The following TM7SF3 variants were observed in gnomAD, a reference collection of about 807,000 sequenced individuals.
TM7SF3 encodes the protein seven span transmembrane protein.
A neutral mutation model predicts 65.5 loss-of-function variants in TM7SF3; 60 were observed. That is an observed-to-expected ratio of 0.92 (90% CI 0.74 to 1.14). The LOEUF (loss-of-function observed/expected upper bound fraction) is 1.14. Among genes scored for constraint, TM7SF3 ranks in the 50% most tolerant of loss-of-function variants. The pLI is 0.00. For missense variants in TM7SF3, 623 were observed against 684.8 expected (o/e 0.91, Z 1.01); for synonymous variants, 264 against 259.6 (o/e 1.02, Z -0.16).
chr12:26,996,624 C>A lies in TM7SF3; in HGVS notation c.518+118G>T, dbSNP rs542789766. 3.7e-4 allele frequency: 390 copies of A among 1,064,712 alleles called. 1 individual carries two copies. The African/African-American group carries it at 5.8e-3, about 16-fold the overall frequency. 66.0% of individuals were successfully genotyped at this position (1,064,712 alleles called of 1,614,324 possible). Reference sequence around the variant, plus strand: ...AAGTTTAAATTACATCAATTCCCCCCAAAAATTAACTCAATTTTACTACAG... The same window carrying A: ...AAGTTTAAATTACATCAATTCCCCCAAAAAATTAACTCAATTTTACTACAG... On this transcript the variant is annotated intron_variant, in intron 4 of 11. Transcript: ENST00000343028.
At chr12:27,008,676 G>A (rs2136455732) in intron 1 of TM7SF3, among the ~76,000 whole-genome samples, 2 of 152,238 alleles carry the variant, frequency 1.3e-5, no homozygotes, top group East Asian at 3.9e-4. Flanking sequence ...AAATCAAGCT[G>A]ATGCTGATTT....
At position 26,991,141 on chromosome 12, in the gene TM7SF3, CTT is replaced by C. The variant is rs35362439; in HGVS notation, c.691-516_691-515del. 3.7e-5 allele frequency among the ~76,000 whole-genome samples: 4 copies of C among 107,480 alleles called. No homozygotes were observed. In the East Asian group the frequency reaches 8.8e-4, roughly 24 times the overall value. The allele number at this position is 107,480 out of a possible 152,430, so 70.5% of individuals were successfully genotyped here. A position where few individuals can be genotyped will look rare whatever the true frequency, so the allele number is the denominator to read the frequency against. On this transcript the variant is annotated intron_variant, in intron 5 of 11. Coordinates refer to ENST00000343028, the MANE Select transcript of TM7SF3 (RefSeq NM_016551.3). ...GAGGTTTTGTTATGTAGTAGTAGTT[CTT>C]TTTTTTTTTTTTTTTTTTTTGAGAC...
intron 1 of TM7SF3, among the ~76,000 whole-genome samples, chr12:27,004,193 C>T (rs1380068465): frequency 6.6e-6 from 1 of 152,198 alleles, no homozygotes; most frequent in Non-Finnish European, 1.5e-5. Context: ...GCCAGCTGCA[C>T]ACCAGCTCAT....
intron 1 of TM7SF3, among the ~76,000 whole-genome samples, chr12:27,013,421 A>G (rs962570003): frequency 6.6e-6 from 1 of 152,240 alleles, no homozygotes; most frequent in Admixed American, 6.5e-5. Context: ...TTTATTTTTC[A>G]TTTGTGGCTG....
rs1592273584 is a variant in TM7SF3, at chr12:26,979,786, A to G, written c.1187T>C (p.Leu396Pro). The stretch of plus-strand genomic sequence containing the variant: ...AACATCTGTTACATATCGCCTACCC[A>G]GTGGAGTAAAGAAAGTCACTGACGA... ...LISSVTFFTP[L>P]GNLKIFHDDG... The change falls in exon 9 of 12, where the codon CTG becomes CCG. Residue 396 changes from leucine to proline, a missense_variant and splice_region_variant. By Grantham distance (98) the Leu-to-Pro change is moderately conservative. Transcript: ENST00000343028. The G allele has an allele frequency of 6.2e-7, 1 of 1,613,976 alleles. No homozygotes were observed. The highest frequency in any genetic ancestry group is 8.5e-7 in the Non-Finnish European group (1 of 1,179,932).
At chr12:26,982,270 A>G (rs1448278584) in intron 7 of TM7SF3, among the ~76,000 whole-genome samples, 1 of 152,182 alleles carries the variant, frequency 6.6e-6, no homozygotes, top group Non-Finnish European at 1.5e-5. Flanking sequence ...TCCTGAGCTC[A>G]AGCAGTCTGC....
At chr12:26,980,523 T>C in intron 8 of TM7SF3, 43 bp downstream of exon 8, 1 of 997,496 alleles carries the variant, frequency 1.0e-6, no homozygotes, top group Non-Finnish European at 1.6e-6. Context: ...ACACAGCACC[T>C]GCCTTCTTGA....
At chr12:26,979,630 TG>T in intron 9 of TM7SF3, 153 bp downstream of exon 9, 1 of 758,774 alleles carries the variant, frequency 1.3e-6, no homozygotes, top group Non-Finnish European at 2.1e-6. Context: ...TTACTAGTCC[TG>T]GTGCTGTCTG....
intron 1 of TM7SF3, among the ~76,000 whole-genome samples, chr12:27,009,583 AG>A (rs1941170203): frequency 6.6e-6 from 1 of 152,134 alleles, no homozygotes; most frequent in African/African-American, 2.4e-5. Context: ...CGTTTTGTAG[AG>A]ATGAGGTCTT....
chr12:26,998,086 G>A (rs1225195794), intron 3 of TM7SF3, among the ~76,000 whole-genome samples: 2 of 151,994 alleles, frequency 1.3e-5, no homozygotes, highest in Admixed American at 6.6e-5. Context: ...ACCTGCTTCG[G>A]CCTCCCAAAG....
chr12:27,001,730 GAAGA>G (rs2136438693), intron 2 of TM7SF3, among the ~76,000 whole-genome samples: 1 of 152,280 alleles, frequency 6.6e-6, no homozygotes, highest in South Asian at 2.1e-4. Flanking sequence ...AAAAAGAGAA[GAAGA>G]AAGAACTCAT....
intron 9 of TM7SF3, among the ~76,000 whole-genome samples, chr12:26,977,644 C>T (rs1267723311): frequency 6.6e-6 from 1 of 152,134 alleles, no homozygotes; most frequent in African/African-American, 2.4e-5. Flanking sequence ...ATCCCAGCTA[C>T]TCAGGAGGCT....
At chr12:26,984,675 T>C (rs1939966168) in intron 6 of TM7SF3, among the ~76,000 whole-genome samples, 1 of 152,150 alleles carries the variant, frequency 6.6e-6, no homozygotes, top group East Asian at 1.9e-4. Context: ...TTAGATACTC[T>C]TCCATAACAT....
chr12:26,999,500 G>C (rs201955267), intron 3 of TM7SF3, 26 bp downstream of exon 3: 511 of 1,610,252 alleles, frequency 3.2e-4, no homozygotes, highest in Non-Finnish European at 4.2e-4. Context: ...CAAAGAGTAA[G>C]AGGGAGGAGA....
intron 1 of TM7SF3, among the ~76,000 whole-genome samples, chr12:27,004,284 C>G (rs929753357): frequency 6.6e-6 from 1 of 152,144 alleles, no homozygotes; most frequent in South Asian, 2.1e-4. Flanking sequence ...TACCCCACCC[C>G]CCATCCTACA....
chr12:26,980,018 G>A (rs141864335), intron 8 of TM7SF3, 82 bp from the exon 9 acceptor site: 1 of 1,533,294 alleles, frequency 6.5e-7, no homozygotes, highest in African/African-American at 1.4e-5. Flanking sequence ...ACCGTTACCA[G>A]TGCCAGCTTC....
chr12:26,992,112 G>C (rs2136415485), intron 5 of TM7SF3, among the ~76,000 whole-genome samples: 1 of 152,124 alleles, frequency 6.6e-6, no homozygotes, highest in Admixed American at 6.5e-5. Context: ...TTACAAGGGG[G>C]TTACATCAGG....
chr12:27,014,288 C>T lies in TM7SF3; in HGVS notation c.-120G>A, dbSNP rs1463377332. On this transcript the variant is annotated 5_prime_UTR_variant, in exon 1 of 12. Coordinates refer to ENST00000343028, the MANE Select transcript of TM7SF3 (RefSeq NM_016551.3). ...CGCCCGCATCGGGCGCCATCGCCCG[C>T]CAGGTGCAGACGCTTCGCACCTGCC... 1.2e-6 allele frequency: 1 copy of T among 846,420 alleles called. No individual in the cohort carries two copies. Among genetic ancestry groups the T allele is most frequent in the African/African-American group, 1.8e-5 (1 of 54,244 alleles). The allele number at this position is 846,420 out of a possible 1,614,324, so 52.4% of individuals were successfully genotyped here.
At chr12:27,012,585 A>G (rs2136464459) in intron 1 of TM7SF3, 2 of 455,978 alleles carry the variant, frequency 4.4e-6, no homozygotes, top group African/African-American at 4.0e-5. Flanking sequence ...TCTGCCTGGC[A>G]CAACTAGTGC....
Sources: allele counts gnomAD v4.1 joint callset (sites outside exome capture counted in the v4.1 genomes callset), GRCh38; gene constraint gnomAD v4.1.1; transcripts MANE v1.5; gene names NCBI Gene and HGNC (gene_info 2026-07-23, HGNC 2026-07-21).